Variants in ZMYM5 observed in about 807,000 individuals in gnomAD.
The protein encoded by ZMYM5 is zinc finger MYM-type containing 5.
In ZMYM5, 41 loss-of-function variants were observed where a neutral mutation model predicts 61.8. The ratio of observed to expected loss-of-function variants is 0.66; its 90% CI spans 0.52 to 0.86. ZMYM5 has a LOEUF of 0.86. ZMYM5 is among the 40% of genes least tolerant of loss of function. The pLI is 0.00. For synonymous variants in ZMYM5, 257 were observed against 276.4 expected, an observed-to-expected ratio of 0.93 and a Z score of 0.70; for missense variants, 706 against 786.7, an observed-to-expected ratio of 0.90 and a Z score of 1.23.
Position 19,838,247 on chromosome 13 carries a change from G to T in ZMYM5, c.873-426C>A, listed in dbSNP as rs549992616. ...CAAAAAATTAGCTGGGCGTGGTGGC[G>T]CGCACCTGTAATCCCAGCTACTCGG... On this transcript the variant is annotated intron_variant, in intron 5 of 7. Coordinates refer to ENST00000337963, the MANE Select transcript of ZMYM5 (RefSeq NM_001142684.2). 1.2e-3 allele frequency among the ~76,000 whole-genome samples: 182 copies of T among 152,114 alleles called. 1 individual carries two copies. The highest frequency in any genetic ancestry group is 5.8e-4 in the East Asian group (3 of 5,180).
At chr13:19,860,442 G>GTA (rs1169300938) in intron 2 of ZMYM5, among the ~76,000 whole-genome samples, 2 of 112,228 alleles carry the variant, frequency 1.8e-5, no homozygotes, top group Admixed American at 9.4e-5. Flanking sequence ...GTGTGTGTGT[G>GTA]TGTGTATGTG....
intron 4 of ZMYM5, among the ~76,000 whole-genome samples, chr13:19,842,612 AGAC>A (rs1256273373): frequency 1.3e-5 from 2 of 151,792 alleles, no homozygotes; most frequent in Non-Finnish European, 2.9e-5. Context: ...AACTACAAAA[AGAC>A]TATCCTTTTG....
chr13:19,839,256 C>T (rs1593869845), intron 4 of ZMYM5, among the ~76,000 whole-genome samples: 1 of 152,114 alleles, frequency 6.6e-6, no homozygotes. Flanking sequence ...AAGTCAGACT[C>T]CAGGTTCAAA....
At chr13:19,845,289 A>T (rs1266564370) in intron 4 of ZMYM5, among the ~76,000 whole-genome samples, 1 of 152,208 alleles carries the variant, frequency 6.6e-6, no homozygotes, top group Non-Finnish European at 1.5e-5. Context: ...GGAATGTGTG[A>T]AGTCAACTAT....
intron 4 of ZMYM5, among the ~76,000 whole-genome samples, chr13:19,844,062 C>T (rs549542917): frequency 4.1e-5 from 6 of 147,788 alleles, no homozygotes; most frequent in Admixed American, 2.1e-4. Flanking sequence ...GGCATGAACC[C>T]GGGAGGCAGA....
chr13:19,849,696 T>C (rs370705504), intron 4 of ZMYM5, among the ~76,000 whole-genome samples: 3 of 151,928 alleles, frequency 2.0e-5, no homozygotes, highest in Admixed American at 6.6e-5. Flanking sequence ...AGGAAAAAAG[T>C]TGGCCGGGCG....
At position 19,850,963 on chromosome 13, in the gene ZMYM5, C is replaced by T. The variant is rs182500639; in HGVS notation, c.586+392G>A. On this transcript the variant is annotated intron_variant, in intron 4 of 7. Transcript: ENST00000337963. Reference sequence around the variant, plus strand: ...GTGGCTCACGCCTGTAATTCCAACACTTTGGGAAGCCAAGACAGGTGGATC... The same window carrying T: ...GTGGCTCACGCCTGTAATTCCAACATTTTGGGAAGCCAAGACAGGTGGATC... Among the ~76,000 whole-genome samples, 193 of 152,284 alleles carry T rather than the reference C, an allele frequency of 1.3e-3. 1 individual carries two copies. Among genetic ancestry groups the T allele is most frequent in the Non-Finnish European group, 2.4e-3 (162 of 68,012 alleles).
intron 4 of ZMYM5, among the ~76,000 whole-genome samples, chr13:19,840,977 C>T (rs115374040): frequency 0.021 from 3,104 of 146,394 alleles, 107 homozygotes; most frequent in African/African-American, 0.074. Flanking sequence ...GCGCCCGGCC[C>T]ACCTGGCCAC....
intron 7 of ZMYM5, among the ~76,000 whole-genome samples, chr13:19,827,892 G>T (rs926863516): frequency 1.3e-5 from 2 of 151,614 alleles, no homozygotes. Context: ...AGTGGTGGGC[G>T]CCTGTAGTCC....
At position 19,824,508 on chromosome 13, in the gene ZMYM5, T is replaced by A. The variant is rs939230800; in HGVS notation, c.1979A>T (p.Lys660Ile). The A allele has an allele frequency of 7.6e-7, 1 of 1,315,246 alleles. No individual in the cohort carries two copies. The highest frequency in any genetic ancestry group is 2.5e-5 in the Admixed American group (1 of 40,292). 81.5% of individuals were successfully genotyped at this position (1,315,246 alleles called of 1,614,324 possible). The change falls in exon 8 of 8, where the codon AAA becomes ATA. Residue 660 changes from lysine to isoleucine, a missense_variant. Physicochemically the swap from Lys to Ile is moderately radical, Grantham distance 102. Around this residue, in one of 2 missense-constraint regions of ZMYM5, gnomAD observed 226 missense variants for 325.0 expected, o/e 0.70. Coordinates refer to ENST00000337963, the MANE Select transcript of ZMYM5 (RefSeq NM_001142684.2). Reference sequence around the variant, plus strand: ...GTACAACAACAGCACACCATCATTTTTCTCATTTTCATATAATCTGTGTTC... The same window carrying A: ...GTACAACAACAGCACACCATCATTTATCTCATTTTCATATAATCTGTGTTC... ...AAEHRLYENE[K>I]NDGVLLLYT
chr13:19,846,444 G>C (rs1953075054), intron 4 of ZMYM5, among the ~76,000 whole-genome samples: 1 of 151,946 alleles, frequency 6.6e-6, no homozygotes, highest in Non-Finnish European at 1.5e-5. Flanking sequence ...CAAGAAAACA[G>C]AGTATTTGTT....
intron 7 of ZMYM5, among the ~76,000 whole-genome samples, chr13:19,825,805 C>T (rs896234350): frequency 6.6e-6 from 1 of 151,954 alleles, no homozygotes; most frequent in African/African-American, 2.4e-5. Context: ...CTTTGGGAGG[C>T]CAAGGCGGGT....
intron 2 of ZMYM5, among the ~76,000 whole-genome samples, chr13:19,858,087 C>T (rs2138653041): frequency 1.3e-5 from 2 of 150,938 alleles, no homozygotes; most frequent in African/African-American, 4.9e-5. Context: ...TCCCCAGCTA[C>T]TTGGGAGACT....
intron 4 of ZMYM5, among the ~76,000 whole-genome samples, chr13:19,850,748 C>T (rs1953256436): frequency 2.6e-5 from 4 of 151,978 alleles, no homozygotes; most frequent in Admixed American, 2.6e-4. Context: ...TTTCATTACA[C>T]TGTATCTTTA....
chr13:19,851,594 G>C, intron 3 of ZMYM5, 95 bp downstream of exon 3: 1 of 1,550,610 alleles, frequency 6.4e-7, no homozygotes, highest in Non-Finnish European at 8.7e-7. Flanking sequence ...AGCATTCACA[G>C]AGCTTATACC....
At chr13:19,860,101 CAAAAAA>C (rs537760988) in intron 2 of ZMYM5, among the ~76,000 whole-genome samples, 5 of 31,330 alleles carry the variant, frequency 1.6e-4, no homozygotes, top group East Asian at 2.6e-3. Context: ...AAGACTGTCT[CAAAAAA>C]AAAAAAAAAA....
chr13:19,846,779 T>C (rs1407889385), intron 4 of ZMYM5, among the ~76,000 whole-genome samples: 1 of 150,984 alleles, frequency 6.6e-6, no homozygotes. Flanking sequence ...AAAAAAAAAC[T>C]AGCAGGGTGT....
At chr13:19,837,412 T>G in intron 6 of ZMYM5, 1 of 1,496,654 alleles carries the variant, frequency 6.7e-7, no homozygotes, top group Non-Finnish European at 8.8e-7. Context: ...CATAAAACAA[T>G]TGCCTTGTTT....
intron 2 of ZMYM5, among the ~76,000 whole-genome samples, chr13:19,860,776 G>C (rs1273301445): frequency 6.6e-6 from 1 of 151,270 alleles, no homozygotes; most frequent in African/African-American, 2.4e-5. Flanking sequence ...GAAATTAAAA[G>C]CTTAGTGGCA....
Sources: allele counts gnomAD v4.1 joint callset (sites outside exome capture counted in the v4.1 genomes callset), GRCh38; gene constraint gnomAD v4.1.1; regional missense constraint gnomAD v4.1.1; transcripts MANE v1.5; gene names NCBI Gene and HGNC (gene_info 2026-07-23, HGNC 2026-07-21).